The following SYNE1 variants were observed in gnomAD, a reference collection of about 807,000 sequenced individuals.
SYNE1 encodes the protein spectrin repeat containing nuclear envelope protein 1, also known as nesprin-1.
A neutral mutation model predicts 1,111.0 loss-of-function variants in SYNE1; 616 were observed. The ratio of observed to expected loss-of-function variants is 0.55; its 90% CI spans 0.52 to 0.59. The LOEUF (loss-of-function observed/expected upper bound fraction) is 0.59, where lower values mean the gene tolerates loss of function less well. Among genes scored for constraint, SYNE1 ranks in the 20% least tolerant of loss-of-function variants. The pLI is 0.00. For synonymous variants in SYNE1, 3,855 were observed against 3,825.8 expected (o/e 1.01, Z -0.28); for missense variants, 10,006 against 10,417.0 (o/e 0.96, Z 1.72).
intron 22 of SYNE1, among the ~76,000 whole-genome samples, chr6:152,458,271 G>A (rs1290481542): frequency 2.0e-5 from 3 of 152,102 alleles, no homozygotes; most frequent in Non-Finnish European, 4.4e-5. Context: ...TTAGAGTGGC[G>A]GATTTGGCTC....
At chr6:152,386,755 C>T (rs2097531692) in intron 54 of SYNE1, among the ~76,000 whole-genome samples, 1 of 151,790 alleles carries the variant, frequency 6.6e-6, no homozygotes, top group Admixed American at 6.6e-5. Context: ...AAAAGAAAAA[C>T]AACTTTAACG....
chr6:152,200,069 A>G (rs555442990), intron 127 of SYNE1, among the ~76,000 whole-genome samples: 3 of 151,998 alleles, frequency 2.0e-5, no homozygotes, highest in Admixed American at 2.0e-4. Context: ...ACCGATTTCT[A>G]CCCCCCCAAC....
rs143128890 is a variant in SYNE1 at position 152,560,095 on chromosome 6, G to A, written c.68-20074C>T. Among the ~76,000 whole-genome samples, 1,100 of 152,248 alleles carry A rather than the reference G, an allele frequency of 7.2e-3. 10 individuals carry two copies. Among genetic ancestry groups the A allele is most frequent in the Non-Finnish European group, 0.011 (730 of 68,028 alleles). On this transcript the variant is annotated intron_variant, in intron 3 of 145. Coordinates refer to ENST00000367255, the MANE Select transcript of SYNE1 (RefSeq NM_182961.4). ...AGGCTGGGCATGGTGGCTCACACCC[G>A]AAATCCCAGCACTGTGGGAGGCCGA...
At chr6:152,275,853 C>A (rs1287155222) in intron 98 of SYNE1, among the ~76,000 whole-genome samples, 1 of 150,620 alleles carries the variant, frequency 6.6e-6, no homozygotes, top group African/African-American at 2.4e-5. Context: ...TGCACTCCAG[C>A]CTGGGTGACA....
chr6:152,481,295 G>C (rs1366617793), intron 14 of SYNE1: 2 of 254,876 alleles, frequency 7.8e-6, no homozygotes, highest in Non-Finnish European at 1.6e-5. Context: ...CCCCTCACCT[G>C]TTGCCCTGGA....
At chr6:152,166,314 A>T (rs2063647481) in intron 130 of SYNE1, among the ~76,000 whole-genome samples, 1 of 152,238 alleles carries the variant, frequency 6.6e-6, no homozygotes. Flanking sequence ...GTGGTTGCTA[A>T]ACATTAATAA....
intron 110 of SYNE1, among the ~76,000 whole-genome samples, chr6:152,235,645 G>A (rs191515839): frequency 9.8e-4 from 149 of 152,338 alleles, no homozygotes; most frequent in Admixed American, 2.1e-3. Flanking sequence ...ACAGGCGTGA[G>A]CCACTGCACC....
rs148872992 is a variant in SYNE1 at position 152,291,270 on chromosome 6, G to A, written c.18012+2318C>T. Among the ~76,000 whole-genome samples the A allele has an allele frequency of 6.3e-3, 861 of 136,122 alleles. 8 individuals are homozygous for A. The highest frequency in any genetic ancestry group is 0.023 in the African/African-American group (793 of 34,070). 89.3% of individuals were successfully genotyped at this position (136,122 alleles called of 152,430 possible). On this transcript the variant is annotated intron_variant, in intron 95 of 145. Coordinates refer to ENST00000367255, the MANE Select transcript of SYNE1 (RefSeq NM_182961.4). ...ATATTAATATGATATATTAATATAT[G>A]CAATTATATTAATATGATATATTAA...
rs2084051737 is a variant in SYNE1 at position 152,236,390 on chromosome 6, C to T, written c.20200-87G>A. On this transcript the variant is annotated intron_variant, in intron 109 of 145. Transcript: ENST00000367255. ...TAATTTCTCTGGTACCTACAATGTT[C>T]CCATTACCTGTTATTCAAACTTAAA... 5 of 945,452 alleles carry T rather than the reference C, an allele frequency of 5.3e-6. No homozygotes were observed. The East Asian group carries it at 1.0e-4, about 20-fold the overall frequency. The allele number at this position is 945,452 out of a possible 1,614,324, so 58.6% of individuals were successfully genotyped here.
At chr6:152,154,009 A>G (rs948542407) in intron 133 of SYNE1, among the ~76,000 whole-genome samples, 2 of 152,188 alleles carry the variant, frequency 1.3e-5, no homozygotes, top group African/African-American at 4.8e-5. Flanking sequence ...TTTCAGTCTT[A>G]TTTCTAAACA....
chr6:152,384,985 G>A (rs1469445456), intron 55 of SYNE1, among the ~76,000 whole-genome samples: 1 of 151,880 alleles, frequency 6.6e-6, no homozygotes, highest in Non-Finnish European at 1.5e-5. Flanking sequence ...CACAATCTGA[G>A]TTTTAAATTC....
At chr6:152,262,230 A>C in intron 100 of SYNE1, 42 bp from the exon 101 acceptor site, 2 of 1,580,530 alleles carry the variant, frequency 1.3e-6, no homozygotes, top group Non-Finnish European at 1.7e-6. Flanking sequence ...ATGTGCACAA[A>C]AAAGTGATAA....
At chr6:152,455,097 C>A (rs770663527) in intron 24 of SYNE1, among the ~76,000 whole-genome samples, 1 of 152,170 alleles carries the variant, frequency 6.6e-6, no homozygotes, top group Non-Finnish European at 1.5e-5. Flanking sequence ...CTTAGCTAGT[C>A]ACCTCGAGTT....
chr6:152,318,741 G>T, intron 85 of SYNE1, 122 bp downstream of exon 85: 2 of 1,118,888 alleles, frequency 1.8e-6, no homozygotes, highest in Non-Finnish European at 2.6e-6. Context: ...TTTACCACCT[G>T]CTGTTACTAT....
chr6:152,378,195 G>A (rs2097331073), intron 56 of SYNE1, among the ~76,000 whole-genome samples: 1 of 152,194 alleles, frequency 6.6e-6, no homozygotes, highest in Non-Finnish European at 1.5e-5. Flanking sequence ...GTGGATAACA[G>A]TAGCACTGAA....
chr6:152,154,445 TACACAC>T (rs56398921), intron 133 of SYNE1, among the ~76,000 whole-genome samples: 26,293 of 143,154 alleles, frequency 0.18, 2,544 homozygotes, highest in East Asian at 0.38. Flanking sequence ...TTTTATCAAA[TACACAC>T]ACACACACAC....
At chr6:152,338,989 G>A (rs2096471832) in intron 75 of SYNE1, among the ~76,000 whole-genome samples, 1 of 152,210 alleles carries the variant, frequency 6.6e-6, no homozygotes, top group Non-Finnish European at 1.5e-5. Context: ...GGAGAAAAAA[G>A]AAAGGTTCTA....
At chr6:152,352,468 T>C in intron 69 of SYNE1, 115 bp from the exon 70 acceptor site, 1 of 1,131,600 alleles carries the variant, frequency 8.8e-7, no homozygotes, top group South Asian at 1.4e-5. Flanking sequence ...AGTGGCACAA[T>C]CTTGGCTCAC....
chr6:152,373,677 C>G (rs1028115119), intron 58 of SYNE1, among the ~76,000 whole-genome samples: 1 of 151,672 alleles, frequency 6.6e-6, no homozygotes, highest in African/African-American at 2.4e-5. Flanking sequence ...AAGTTGCAAA[C>G]TACTTTATTT....
Sources: gnomAD v4.1 joint callset for allele counts (sites outside exome capture counted in the v4.1 genomes callset) on GRCh38, gnomAD v4.1.1 for gene constraint, MANE v1.5 for transcripts, NCBI Gene and HGNC (gene_info 2026-07-23, HGNC 2026-07-21) for gene names.